The following RBFOX1 variants were observed in gnomAD, a reference collection of about 807,000 sequenced individuals.
RBFOX1 encodes RNA binding fox-1 homolog 1, also known as RNA binding protein fox-1 homolog 1.
RBFOX1 carries 8 observed loss-of-function variants against 57.7 expected under a neutral mutation model. The observed-to-expected ratio is 0.14, with a 90% CI of 0.08 to 0.25. RBFOX1 has a LOEUF of 0.25. RBFOX1 is among the 10% of genes least tolerant of loss of function. The probability of loss-of-function intolerance (pLI) is 1.00; values close to 1 mark genes in which losing one functional copy is unlikely to be tolerated. For missense variants in RBFOX1, 611 were observed against 548.5 expected, an observed-to-expected ratio of 1.11 and a Z score of -1.14; for synonymous variants, 326 against 222.4, an observed-to-expected ratio of 1.47 and a Z score of -4.15.
intron 3 of RBFOX1, among the ~76,000 whole-genome samples, chr16:6,900,972 T>C (rs1337819938): frequency 6.6e-6 from 1 of 152,168 alleles, no homozygotes; most frequent in East Asian, 1.9e-4. Flanking sequence ...TTTAAGATGT[T>C]CCCATAACGT....
intron 1 of RBFOX1, among the ~76,000 whole-genome samples, chr16:6,288,137 A>G (rs948305968): frequency 3.3e-5 from 5 of 152,202 alleles, no homozygotes; most frequent in Non-Finnish European, 7.3e-5. Flanking sequence ...CATTCAGTTT[A>G]CAAACAGTAA....
chr16:7,001,204 T>C (rs891803047), intron 3 of RBFOX1, among the ~76,000 whole-genome samples: 3 of 152,120 alleles, frequency 2.0e-5, no homozygotes, highest in African/African-American at 7.2e-5. Flanking sequence ...ATTCTAAATG[T>C]CCATTCTGAA....
chr16:7,138,221 C>T (rs898374523), intron 4 of RBFOX1, among the ~76,000 whole-genome samples: 2 of 152,066 alleles, frequency 1.3e-5, no homozygotes, highest in African/African-American at 4.8e-5. Context: ...AAAGGAATAC[C>T]TGAAGTCATG....
At chr16:7,143,042 C>T (rs1453530305) in intron 4 of RBFOX1, among the ~76,000 whole-genome samples, 1 of 151,742 alleles carries the variant, frequency 6.6e-6, no homozygotes, top group Non-Finnish European at 1.5e-5. Flanking sequence ...GTCATTAATA[C>T]TATTGTTTAT....
chr16:6,686,642 C>T, intron 3 of RBFOX1, among the ~76,000 whole-genome samples: 1 of 152,132 alleles, frequency 6.6e-6, no homozygotes, highest in East Asian at 1.9e-4. Flanking sequence ...ACAGGTATCT[C>T]TCCTTGTCCT....
chr16:7,382,424 G>A (rs2097795466), intron 4 of RBFOX1, among the ~76,000 whole-genome samples: 1 of 152,152 alleles, frequency 6.6e-6, no homozygotes, highest in African/African-American at 2.4e-5. Context: ...CCTTGATTAT[G>A]ACTAATTATT....
At chr16:5,553,806 A>T (rs1405340386) in intron 2 of RBFOX1, among the ~76,000 whole-genome samples, 1 of 150,402 alleles carries the variant, frequency 6.6e-6, no homozygotes, top group African/African-American at 2.5e-5. Flanking sequence ...GTATACTACT[A>T]TAGAGTTTTT....
chr16:6,241,882 A>G (rs2097541889), intron 1 of RBFOX1, among the ~76,000 whole-genome samples: 1 of 152,232 alleles, frequency 6.6e-6, no homozygotes, highest in Non-Finnish European at 1.5e-5. Context: ...ACATTGACAC[A>G]TGGACACTTT....
chr16:6,808,293 C>G (rs1369506590), intron 3 of RBFOX1, among the ~76,000 whole-genome samples: 2 of 151,736 alleles, frequency 1.3e-5, no homozygotes, highest in Non-Finnish European at 2.9e-5. Context: ...CTTTTTCTCT[C>G]CTGCCTTTCT....
At chr16:5,911,496 G>C (rs1285025368) in intron 4 of RBFOX1, among the ~76,000 whole-genome samples, 2 of 152,174 alleles carry the variant, frequency 1.3e-5, no homozygotes, top group African/African-American at 2.4e-5. Context: ...TTTACTAACA[G>C]AGAGCTCGGC....
intron 1 of RBFOX1, among the ~76,000 whole-genome samples, chr16:5,299,776 C>G (rs1296779279): frequency 6.6e-6 from 1 of 152,028 alleles, no homozygotes; most frequent in Non-Finnish European, 1.5e-5. Flanking sequence ...AATTTTTATG[C>G]ATGTTTCAAT....
chr16:6,915,745 T>A (rs1253808716), intron 3 of RBFOX1, among the ~76,000 whole-genome samples: 2 of 151,908 alleles, frequency 1.3e-5, no homozygotes, highest in African/African-American at 4.8e-5. Context: ...AGAGACAGGG[T>A]TTTGCCATGT....
chr16:5,242,128 G>T (rs917702207), intron 1 of RBFOX1, among the ~76,000 whole-genome samples: 1 of 152,044 alleles, frequency 6.6e-6, no homozygotes, highest in African/African-American at 2.4e-5. Context: ...AAAAGAGAGA[G>T]AGAGAGAGAC....
intron 4 of RBFOX1, among the ~76,000 whole-genome samples, chr16:7,235,068 T>G (rs1442064617): frequency 6.6e-6 from 1 of 152,146 alleles, no homozygotes; most frequent in Non-Finnish European, 1.5e-5. Context: ...CAAGACAAGC[T>G]TCAGTGGAAG....
intron 2 of RBFOX1, among the ~76,000 whole-genome samples, chr16:6,644,269 G>T (rs1233895731): frequency 6.6e-6 from 1 of 152,154 alleles, no homozygotes; most frequent in African/African-American, 2.4e-5. Flanking sequence ...CAAACTATCA[G>T]AAAGCTTGCC....
At chr16:6,460,458 A>G (rs937709150) in intron 2 of RBFOX1, among the ~76,000 whole-genome samples, 1 of 104,594 alleles carries the variant, frequency 9.6e-6, no homozygotes, top group African/African-American at 3.3e-5. Flanking sequence ...GACACTTCTC[A>G]AAAAAAAAAC....
In RBFOX1 at chr16:6,736,759, C is replaced by T. The variant is rs909050167; in HGVS notation, c.-16+82109C>T. 1.2e-4 allele frequency among the ~76,000 whole-genome samples: 19 copies of T among 152,258 alleles called. 1 individual carries two copies. The highest frequency in any genetic ancestry group is 4.3e-4 in the African/African-American group (18 of 41,558). ...CACTGGGAAAACCAGTTTAGAAGGACAGGTTGTGATTTGTAGCAGGTGGTG... is the reference window on the plus strand; with the variant it reads ...CACTGGGAAAACCAGTTTAGAAGGATAGGTTGTGATTTGTAGCAGGTGGTG... On this transcript the variant is annotated intron_variant, in intron 3 of 15. Transcript: ENST00000550418.
Position 6,991,722 on chromosome 16 carries a change from A to G in RBFOX1, c.-15-60335A>G, listed in dbSNP as rs562944042. Among the ~76,000 whole-genome samples, 21 of 152,190 alleles carry G rather than the reference A, an allele frequency of 1.4e-4. 1 individual carries two copies. The highest frequency in any genetic ancestry group is 1.0e-3 in the South Asian group (5 of 4,820). On this transcript the variant is annotated intron_variant, in intron 3 of 15. Transcript: ENST00000550418. ...TGCCTGACTTTTGTAGTTTTGGTAG[A>G]GGTGGGGTTTCACCATGTTGCCCAG... is the stretch of plus-strand genomic sequence containing the variant.
At chr16:7,361,999 G>C (rs929857965) in intron 4 of RBFOX1, among the ~76,000 whole-genome samples, 3 of 151,716 alleles carry the variant, frequency 2.0e-5, no homozygotes, top group Non-Finnish European at 4.4e-5. Flanking sequence ...GTGTTAGTGT[G>C]TGTATGATTA....
Sources: gnomAD v4.1 joint callset for allele counts (sites outside exome capture counted in the v4.1 genomes callset) on GRCh38, gnomAD v4.1.1 for gene constraint, MANE v1.5 for transcripts, NCBI Gene and HGNC (gene_info 2026-07-23, HGNC 2026-07-21) for gene names.